SPIDR: variants seen among roughly 807,000 people sequenced by gnomAD.
SPIDR encodes scaffold protein involved in DNA repair, also known as DNA repair-scaffolding protein.
A neutral mutation model predicts 104.6 loss-of-function variants in SPIDR; 93 were observed. The ratio of observed to expected loss-of-function variants is 0.89; its 90% CI spans 0.75 to 1.06. The LOEUF (loss-of-function observed/expected upper bound fraction) is 1.06, where lower values mean the gene tolerates loss of function less well. SPIDR is among the 50% of genes least tolerant of loss of function. The pLI is 0.00. For synonymous variants in SPIDR, 431 were observed against 416.9 expected (o/e 1.03, Z -0.41); for missense variants, 1,154 against 1,111.2 (o/e 1.04, Z -0.55).
intron 8 of SPIDR, among the ~76,000 whole-genome samples, chr8:47,463,463 C>A: frequency 6.6e-6 from 1 of 151,864 alleles, no homozygotes; most frequent in Non-Finnish European, 1.5e-5. Flanking sequence ...GAATTAACAC[C>A]AGTTGTTCTC....
chr8:47,419,683 C>G (rs1184742241), intron 7 of SPIDR, among the ~76,000 whole-genome samples: 3 of 152,058 alleles, frequency 2.0e-5, no homozygotes, highest in African/African-American at 4.8e-5. Flanking sequence ...TTTGCTCTTG[C>G]TTTTCTAGTT....
intron 5 of SPIDR, among the ~76,000 whole-genome samples, chr8:47,315,275 G>A (rs1192640273): frequency 6.6e-6 from 1 of 151,998 alleles, no homozygotes; most frequent in Non-Finnish European, 1.5e-5. Context: ...TTCTATTCAA[G>A]TACACATGAT....
chr8:47,441,171 T>C (rs2069356603), intron 8 of SPIDR, among the ~76,000 whole-genome samples: 1 of 152,214 alleles, frequency 6.6e-6, no homozygotes, highest in Non-Finnish European at 1.5e-5. Flanking sequence ...GAGGAAGGGC[T>C]ATAGGATAAA....
At chr8:47,411,941 C>G (rs567010621) in intron 7 of SPIDR, among the ~76,000 whole-genome samples, 2 of 152,186 alleles carry the variant, frequency 1.3e-5, no homozygotes, top group East Asian at 1.9e-4. Flanking sequence ...TTTTTGTCAG[C>G]TTTGTCAAAG....
intron 2 of SPIDR, among the ~76,000 whole-genome samples, chr8:47,280,221 T>A (rs1408662383): frequency 2.0e-5 from 3 of 150,736 alleles, no homozygotes; most frequent in African/African-American, 7.4e-5. Flanking sequence ...CTTTTTATTT[T>A]TTATTTTTTT....
intron 10 of SPIDR, among the ~76,000 whole-genome samples, chr8:47,625,770 C>T (rs1257069277): frequency 2.0e-5 from 3 of 152,122 alleles, no homozygotes; most frequent in African/African-American, 4.8e-5. Flanking sequence ...ATTCCATGCT[C>T]ATGGGTAGGA....
intron 8 of SPIDR, among the ~76,000 whole-genome samples, chr8:47,487,207 A>T (rs1026855287): frequency 1.6e-4 from 25 of 152,112 alleles, no homozygotes; most frequent in Admixed American, 6.5e-4. Flanking sequence ...TTGCAATCCT[A>T]GTCTCTCATG....
intron 5 of SPIDR, among the ~76,000 whole-genome samples, chr8:47,299,669 G>A (rs1276305923): frequency 3.3e-5 from 5 of 152,260 alleles, no homozygotes; most frequent in East Asian, 3.9e-4. Flanking sequence ...AAGGGTTGTT[G>A]AATTTTGTCA....
intron 5 of SPIDR, among the ~76,000 whole-genome samples, chr8:47,300,190 G>T (rs2041790808): frequency 6.6e-6 from 1 of 152,178 alleles, no homozygotes; most frequent in Admixed American, 6.5e-5. Context: ...GAGGGTGTAT[G>T]TGTCCAGGAA....
chr8:47,510,796 C>T (rs531004208), intron 8 of SPIDR, among the ~76,000 whole-genome samples: 2 of 152,306 alleles, frequency 1.3e-5, no homozygotes, highest in African/African-American at 4.8e-5. Flanking sequence ...ACATCCACTA[C>T]TTGTTTTTGG....
chr8:47,667,837 G>T (rs2075192235), intron 10 of SPIDR: 1 of 152,054 alleles, frequency 6.6e-6, no homozygotes. Context: ...TGGCCCCTGG[G>T]CAAGGATGAC....
chr8:47,634,787 G>A (rs543091032), intron 10 of SPIDR, among the ~76,000 whole-genome samples: 1 of 152,314 alleles, frequency 6.6e-6, no homozygotes, highest in East Asian at 1.9e-4. Context: ...TCACGCCTGG[G>A]CCAGGCAACC....
Position 47,735,540 on chromosome 8 carries a change from A to G in SPIDR, c.*90A>G, listed in dbSNP as rs150555245. The G allele has an allele frequency of 3.7e-3, 5,902 of 1,593,234 alleles. 56 individuals carry two copies. Among genetic ancestry groups the G allele is most frequent in the South Asian group, 0.023 (2,102 of 89,508 alleles). The stretch of plus-strand genomic sequence containing the variant: ...TGGGGTAGTTATTTGTTAACTATGG[A>G]CACAGTGAACGTAGTTTACGATCTT... On this transcript the variant is annotated 3_prime_UTR_variant, in exon 20 of 20. Transcript: ENST00000297423.
intron 8 of SPIDR, among the ~76,000 whole-genome samples, chr8:47,460,292 A>G (rs1284309112): frequency 1.3e-5 from 2 of 152,138 alleles, no homozygotes; most frequent in Admixed American, 1.3e-4. Flanking sequence ...GTCTAGTAGT[A>G]ATTGTTTTAT....
chr8:47,678,418 A>G (rs900542960), intron 11 of SPIDR, among the ~76,000 whole-genome samples: 2 of 152,244 alleles, frequency 1.3e-5, no homozygotes, highest in African/African-American at 4.8e-5. Context: ...AGGGGAACAG[A>G]GAAGTGGTAC....
chr8:47,467,235 C>CA (rs1554718057), intron 8 of SPIDR, among the ~76,000 whole-genome samples: 2 of 151,910 alleles, frequency 1.3e-5, no homozygotes, highest in South Asian at 4.2e-4. Context: ...CCCTGCCAAC[C>CA]AAAAAAAGCC....
intron 8 of SPIDR, among the ~76,000 whole-genome samples, chr8:47,553,113 G>C (rs1204879436): frequency 6.6e-6 from 1 of 152,204 alleles, no homozygotes; most frequent in Non-Finnish European, 1.5e-5. Context: ...GGCTTGTGGA[G>C]TGTCTGCCAA....
At chr8:47,558,282 G>A (rs1239022054) in intron 8 of SPIDR, among the ~76,000 whole-genome samples, 2 of 152,080 alleles carry the variant, frequency 1.3e-5, no homozygotes, top group Non-Finnish European at 2.9e-5. Flanking sequence ...AAACCTGCAT[G>A]TGTATCCCTT....
chr8:47,472,391 G>A (rs1483287681), intron 8 of SPIDR, among the ~76,000 whole-genome samples: 1 of 152,210 alleles, frequency 6.6e-6, no homozygotes, highest in African/African-American at 2.4e-5. Flanking sequence ...CACTGATGAG[G>A]TGGCCACAGA....
Sources: gnomAD v4.1 joint callset for allele counts (sites outside exome capture counted in the v4.1 genomes callset) on GRCh38, gnomAD v4.1.1 for gene constraint, MANE v1.5 for transcripts, NCBI Gene and HGNC (gene_info 2026-07-23, HGNC 2026-07-21) for gene names.